The following MOB1B variants were observed in gnomAD, a reference collection of about 807,000 sequenced individuals.
The protein encoded by MOB1B is MOB kinase activator 1B.
A neutral mutation model predicts 24.4 loss-of-function variants in MOB1B; 19 were observed. The observed-to-expected ratio is 0.78, with a 90% CI of 0.54 to 1.14. The LOEUF (loss-of-function observed/expected upper bound fraction) is 1.14. Ranked by LOEUF, MOB1B falls within the 50% of genes most tolerant of loss-of-function variation. The pLI, the probability that MOB1B is intolerant of heterozygous loss-of-function variation, is 0.00. For missense variants in MOB1B, 243 were observed against 259.6 expected, an observed-to-expected ratio of 0.94 and a Z score of 0.44; for synonymous variants, 76 against 82.1, an observed-to-expected ratio of 0.93 and a Z score of 0.40.
intron 1 of MOB1B, among the ~76,000 whole-genome samples, chr4:70,912,870 C>T (rs1736050556): frequency 6.6e-6 from 1 of 152,212 alleles, no homozygotes; most frequent in South Asian, 2.1e-4. Context: ...AAGGGATCCT[C>T]CCATCTCAGC....
rs796613792 is a variant in MOB1B at position 70,982,790 on chromosome 4, C to T, written c.*733C>T. The stretch of plus-strand genomic sequence containing the variant: ...GTTGAAATGTATTACATTTTGGCTT[C>T]TTTCTACATGTTAACTGCACTGTAG... On this transcript the variant is annotated 3_prime_UTR_variant, in exon 6 of 6. Coordinates refer to ENST00000309395, the MANE Select transcript of MOB1B (RefSeq NM_173468.4). 2 of 152,532 alleles carry T rather than the reference C, an allele frequency of 1.3e-5. No homozygotes were observed. Among genetic ancestry groups the T allele is most frequent in the Non-Finnish European group, 2.9e-5 (2 of 68,004 alleles). The allele number at this position is 152,532 out of a possible 1,614,324, so 9.4% of individuals were successfully genotyped here.
chr4:70,926,071 T>C (rs539139392), intron 1 of MOB1B, among the ~76,000 whole-genome samples: 1 of 152,270 alleles, frequency 6.6e-6, no homozygotes, highest in African/African-American at 2.4e-5. Flanking sequence ...CACTGCAACC[T>C]CAACCTCCTG....
In MOB1B at chr4:70,983,168, G is replaced by A. The variant is rs530405709; in HGVS notation, c.*1111G>A. Reference sequence around the variant, plus strand: ...ATTTTAGGTACAGACATTAAACATGGAATTTAAGGACTGTTGGGGGAAATT... The same window carrying A: ...ATTTTAGGTACAGACATTAAACATGAAATTTAAGGACTGTTGGGGGAAATT... On this transcript the variant is annotated 3_prime_UTR_variant, in exon 6 of 6. Coordinates refer to ENST00000309395, the MANE Select transcript of MOB1B (RefSeq NM_173468.4). 4 of 152,580 alleles carry A rather than the reference G, an allele frequency of 2.6e-5. No homozygotes were observed. In the South Asian group the frequency reaches 8.3e-4, roughly 32 times the overall value. The allele number at this position is 152,580 out of a possible 1,614,324, so 9.5% of individuals were successfully genotyped here.
chr4:70,944,630 G>A (rs1419259344), intron 1 of MOB1B, among the ~76,000 whole-genome samples: 1 of 152,146 alleles, frequency 6.6e-6, no homozygotes. Flanking sequence ...TCTGCAGGCT[G>A]TACAGGAAGC....
At chr4:70,951,858 C>T (rs1348428959) in intron 1 of MOB1B, among the ~76,000 whole-genome samples, 1 of 152,172 alleles carries the variant, frequency 6.6e-6, no homozygotes, top group Non-Finnish European at 1.5e-5. Context: ...TAGAGCAAGA[C>T]CTTGTCTCAA....
chr4:70,976,755 TA>T, intron 4 of MOB1B: 2 of 163,604 alleles, frequency 1.2e-5, no homozygotes, highest in Non-Finnish European at 2.2e-5. Context: ...CTGAATTACA[TA>T]TATATATATA....
chr4:70,928,592 C>G (rs934228750), intron 1 of MOB1B, among the ~76,000 whole-genome samples: 3 of 152,066 alleles, frequency 2.0e-5, no homozygotes, highest in Non-Finnish European at 2.9e-5. Flanking sequence ...CCACACGTGG[C>G]CTGACATTTT....
At chr4:70,974,421 A>C (rs1560665629) in intron 3 of MOB1B, among the ~76,000 whole-genome samples, 1 of 151,970 alleles carries the variant, frequency 6.6e-6, no homozygotes, top group Non-Finnish European at 1.5e-5. Flanking sequence ...GGGTTCTTAC[A>C]CTGTTTTTAC....
rs113979943 is a variant in MOB1B at position 70,950,741 on chromosome 4, G to A, written c.15-8133G>A. On this transcript the variant is annotated intron_variant, in intron 1 of 5. Coordinates refer to ENST00000309395, the MANE Select transcript of MOB1B (RefSeq NM_173468.4). Reference sequence around the variant, plus strand: ...GTTGACTGGAACTTTCAGTTAACAAGTATTTATCGAATACCTGATCTGTAG... The same window carrying A: ...GTTGACTGGAACTTTCAGTTAACAAATATTTATCGAATACCTGATCTGTAG... 87 of 1,533,300 alleles carry A rather than the reference G, an allele frequency of 5.7e-5. 1 individual carries two copies. The African/African-American group carries it at 7.8e-4, about 14-fold the overall frequency. 95.0% of individuals were successfully genotyped at this position (1,533,300 alleles called of 1,614,324 possible). A position where few individuals can be genotyped will look rare whatever the true frequency, so the allele number is the denominator to read the frequency against.
intron 2 of MOB1B, among the ~76,000 whole-genome samples, chr4:70,965,603 C>A (rs992223728): frequency 6.6e-6 from 1 of 150,638 alleles, no homozygotes; most frequent in African/African-American, 2.4e-5. Flanking sequence ...CGAGAGCATC[C>A]TGGCTAACAC....
At chr4:70,927,917 C>T (rs1248085035) in intron 1 of MOB1B, among the ~76,000 whole-genome samples, 1 of 152,184 alleles carries the variant, frequency 6.6e-6, no homozygotes, top group East Asian at 1.9e-4. Flanking sequence ...GCTCTAACAT[C>T]CCTCCCCCAC....
chr4:70,956,901 C>G (rs899313558), intron 1 of MOB1B, among the ~76,000 whole-genome samples: 2 of 152,076 alleles, frequency 1.3e-5, no homozygotes, highest in Non-Finnish European at 2.9e-5. Context: ...TTCAGGTTGA[C>G]TGATAGATTC....
At chr4:70,925,498 C>A (rs555657372) in intron 1 of MOB1B, among the ~76,000 whole-genome samples, 2 of 152,264 alleles carry the variant, frequency 1.3e-5, no homozygotes, top group South Asian at 4.1e-4. Context: ...AAAAACTGCT[C>A]TTGGTCCTCT....
rs559973071 is a variant in MOB1B, at chr4:70,902,376, C to G, written c.-161C>G. ...CCGCCCCCTCCCCCTGCCATTGGAA[C>G]TAGCTGAGCCGAACTAGTTGCGGCC... is the stretch of plus-strand genomic sequence containing the variant. On this transcript the variant is annotated 5_prime_UTR_variant, in exon 1 of 6. Transcript: ENST00000309395. 1,161 of 728,022 alleles carry G rather than the reference C, an allele frequency of 1.6e-3. 15 individuals carry two copies. The highest frequency in any genetic ancestry group is 0.013 in the South Asian group (892 of 67,096). 45.1% of individuals were successfully genotyped at this position (728,022 alleles called of 1,614,324 possible).
intron 1 of MOB1B, among the ~76,000 whole-genome samples, chr4:70,928,151 A>G (rs917137040): frequency 3.3e-5 from 5 of 152,132 alleles, no homozygotes. Flanking sequence ...CCAAAAAGAC[A>G]TTGTACTCCA....
At chr4:70,912,381 GT>G in intron 1 of MOB1B, among the ~76,000 whole-genome samples, 1 of 151,682 alleles carries the variant, frequency 6.6e-6, no homozygotes, top group Admixed American at 6.6e-5. Flanking sequence ...CTGGGTTCAA[GT>G]AATTCACCTG....
intron 1 of MOB1B, among the ~76,000 whole-genome samples, chr4:70,932,814 T>G (rs1406869837): frequency 6.6e-6 from 1 of 152,212 alleles, no homozygotes; most frequent in Non-Finnish European, 1.5e-5. Flanking sequence ...TGAAACAATT[T>G]TGGTAATAGC....
chr4:70,952,396 C>T (rs1737844066), intron 1 of MOB1B, among the ~76,000 whole-genome samples: 1 of 151,944 alleles, frequency 6.6e-6, no homozygotes, highest in Non-Finnish European at 1.5e-5. Context: ...GTAATCCCAG[C>T]ACTTTGGGAG....
chr4:70,937,214 G>A (rs964613949), intron 1 of MOB1B, among the ~76,000 whole-genome samples: 1 of 151,892 alleles, frequency 6.6e-6, no homozygotes, highest in South Asian at 2.1e-4. Flanking sequence ...CACCTTGCCC[G>A]TTCTCTAATA....
Sources: gnomAD v4.1 joint callset for allele counts (sites outside exome capture counted in the v4.1 genomes callset) on GRCh38, gnomAD v4.1.1 for gene constraint, MANE v1.5 for transcripts, NCBI Gene and HGNC (gene_info 2026-07-23, HGNC 2026-07-21) for gene names.